Variants in KIF13A observed in about 807,000 individuals in gnomAD.
KIF13A encodes kinesin family member 13A, also known as kinesin-like protein KIF13A.
A neutral mutation model predicts 212.2 loss-of-function variants in KIF13A; 79 were observed. That is an observed-to-expected ratio of 0.37 (90% CI 0.31 to 0.45). The LOEUF (loss-of-function observed/expected upper bound fraction) is 0.45, where lower values mean the gene tolerates loss of function less well. KIF13A is among the 20% of genes least tolerant of loss of function. KIF13A has a pLI of 1.00. For missense variants in KIF13A, 1,901 were observed against 2,209.0 expected (o/e 0.86, Z 2.79); for synonymous variants, 789 against 808.6 (o/e 0.98, Z 0.41).
Position 17,773,413 on chromosome 6 carries a change from C to A in KIF13A, c.4324+65G>T. ...CTTATTATATGCCATTAATGAAAGA[C>A]ATTTTTTCATACTTTTTCTAAGTAA... On this transcript the variant is annotated intron_variant, in intron 36 of 38. Transcript: ENST00000259711. The surrounding 1 kb of genome is among the most constrained non-coding windows in gnomAD (Gnocchi z 4.2). 1.1e-6 allele frequency: 1 copy of A among 917,224 alleles called. No individual in the cohort carries two copies. Among genetic ancestry groups the A allele is most frequent in the Non-Finnish European group, 1.8e-6 (1 of 566,478 alleles). 56.8% of individuals were successfully genotyped at this position (917,224 alleles called of 1,614,324 possible).
intron 16 of KIF13A, among the ~76,000 whole-genome samples, chr6:17,824,784 A>C (rs1246502295): frequency 1.4e-5 from 2 of 147,648 alleles, no homozygotes; most frequent in Admixed American, 6.8e-5. Context: ...AAAAAAACAA[A>C]ACACCAAAAT....
At chr6:17,841,774 C>T (rs1246990569) in intron 9 of KIF13A, among the ~76,000 whole-genome samples, 2 of 152,116 alleles carry the variant, frequency 1.3e-5, no homozygotes, top group African/African-American at 4.8e-5. Context: ...GACTCAATGG[C>T]AAGTGAGAGA....
In KIF13A at chr6:17,897,257, G is replaced by T. The variant is rs945949445; in HGVS notation, c.159+911C>A. ...GGGAAAGTAAGCTTTGTCTTTTCTGGATTCCATGCCGTCACCCAACTTGTC... is the reference window on the plus strand; with the variant it reads ...GGGAAAGTAAGCTTTGTCTTTTCTGTATTCCATGCCGTCACCCAACTTGTC... On this transcript the variant is annotated intron_variant, in intron 3 of 38. Coordinates refer to ENST00000259711, the MANE Select transcript of KIF13A (RefSeq NM_022113.6). The surrounding 1 kb of genome is among the most constrained non-coding windows in gnomAD (Gnocchi z 4.8). 1.3e-5 allele frequency among the ~76,000 whole-genome samples: 2 copies of T among 152,124 alleles called. No individual in the cohort carries two copies. The highest frequency in any genetic ancestry group is 2.9e-5 in the Non-Finnish European group (2 of 68,026).
At chr6:17,861,853 T>C (rs990808808) in intron 4 of KIF13A, among the ~76,000 whole-genome samples, 2 of 152,182 alleles carry the variant, frequency 1.3e-5, no homozygotes, top group African/African-American at 4.8e-5. Context: ...CGGTCTTACC[T>C]TATTCTTGGT....
rs1411747926 is a variant in KIF13A at position 17,987,014 on chromosome 6, G to A, written c.146+40C>T. ...GGCTCAAACTTGCGGGACCCCGCGA[G>A]GCTGGATCCTCCCAGCCGCCCTCTC... On this transcript the variant is annotated intron_variant, in intron 2 of 38. Coordinates refer to ENST00000259711, the MANE Select transcript of KIF13A (RefSeq NM_022113.6). The surrounding 1 kb of genome is among the most constrained non-coding windows in gnomAD (Gnocchi z 7.7). 1 of 1,487,138 alleles carries A rather than the reference G, an allele frequency of 6.7e-7. No individual in the cohort carries two copies. Among genetic ancestry groups the A allele is most frequent in the East Asian group, 2.3e-5 (1 of 44,018 alleles). The allele number at this position is 1,487,138 out of a possible 1,614,324, so 92.1% of individuals were successfully genotyped here.
chr6:17,851,893 T>C (rs931467756), intron 7 of KIF13A, 62 bp downstream of exon 7: 22 of 819,326 alleles, frequency 2.7e-5, no homozygotes, highest in Non-Finnish European at 3.8e-5. Flanking sequence ...ATATACTCAG[T>C]ATCACTTACA....
intron 2 of KIF13A, among the ~76,000 whole-genome samples, chr6:17,981,520 G>GGAC (rs1295736184): frequency 2.1e-4 from 32 of 151,276 alleles, no homozygotes; most frequent in Non-Finnish European, 4.0e-4. Context: ...CGCCTCCCGG[G>GGAC]TTCAAGCATT....
intron 33 of KIF13A, among the ~76,000 whole-genome samples, chr6:17,778,076 T>G (rs1760163205): frequency 6.6e-6 from 1 of 152,162 alleles, no homozygotes; most frequent in Non-Finnish European, 1.5e-5. Flanking sequence ...AGGCAGAGGT[T>G]GCAGTGAGCT....
intron 9 of KIF13A, among the ~76,000 whole-genome samples, chr6:17,848,597 G>C (rs1006957913): frequency 8.6e-6 from 1 of 115,728 alleles, no homozygotes; most frequent in Admixed American, 1.2e-4. Flanking sequence ...ACAGAGTCTC[G>C]CTCTGTTGCC....
intron 18 of KIF13A, among the ~76,000 whole-genome samples, chr6:17,807,377 C>T (rs897198312): frequency 2.6e-5 from 4 of 151,964 alleles, no homozygotes; most frequent in Admixed American, 2.0e-4. Context: ...GGTCTATAAA[C>T]GGCCGCTCTG....
Position 17,816,392 on chromosome 6 carries a change from A to G in KIF13A, c.2000+628T>C. On this transcript the variant is annotated intron_variant, in intron 17 of 38. Transcript: ENST00000259711. This position sits in a 1 kb window ranked among gnomAD's most constrained non-coding sequence, Gnocchi z 4.3. The stretch of plus-strand genomic sequence containing the variant: ...CTAATTTTTTATTTTTTGTAGAGAC[A>G]AGGTCTCGTTATGTTGCTCAGGCTG... Among the ~76,000 whole-genome samples the G allele has an allele frequency of 7.1e-6, 1 of 139,920 alleles. No homozygotes were observed. Among genetic ancestry groups the G allele is most frequent in the African/African-American group, 3.1e-5 (1 of 32,024 alleles). 91.8% of individuals were successfully genotyped at this position (139,920 alleles called of 152,430 possible).
chr6:17,939,961 A>G (rs760457300), intron 2 of KIF13A, among the ~76,000 whole-genome samples: 61 of 149,636 alleles, frequency 4.1e-4, no homozygotes, highest in Non-Finnish European at 7.8e-4. Context: ...AATGGCGTGA[A>G]CCTGGGAGGC....
At chr6:17,909,452 C>T (rs942003359) in intron 2 of KIF13A, among the ~76,000 whole-genome samples, 7 of 142,038 alleles carry the variant, frequency 4.9e-5, no homozygotes, top group Non-Finnish European at 7.7e-5. Context: ...AGGAGAATCG[C>T]TGAACCCAGG....
At chr6:17,793,488 A>G (rs953725838) in intron 25 of KIF13A, among the ~76,000 whole-genome samples, 15 of 152,330 alleles carry the variant, frequency 9.8e-5, no homozygotes, top group African/African-American at 3.6e-4. Context: ...TTTTATTTTT[A>G]AAATGAGAAT....
At chr6:17,975,356 C>T (rs1052859317) in intron 2 of KIF13A, among the ~76,000 whole-genome samples, 10 of 152,114 alleles carry the variant, frequency 6.6e-5, no homozygotes, top group African/African-American at 2.4e-4. Flanking sequence ...AAGAATGAAG[C>T]TGCGGACCCT....
At chr6:17,959,148 T>G (rs1177031046) in intron 2 of KIF13A, among the ~76,000 whole-genome samples, 1 of 152,122 alleles carries the variant, frequency 6.6e-6, no homozygotes, top group Non-Finnish European at 1.5e-5. Flanking sequence ...GTAAGTCATA[T>G]ATAGGTCACT....
chr6:17,985,650 G>GGGGGGGGGT (rs1781494883), intron 2 of KIF13A, among the ~76,000 whole-genome samples: 1 of 85,582 alleles, frequency 1.2e-5, no homozygotes, highest in Non-Finnish European at 2.1e-5. Flanking sequence ...TGGGGGGAGG[G>GGGGGGGGGT]GACATTCGTT....
At chr6:17,863,152 G>T (rs994570992) in intron 4 of KIF13A, among the ~76,000 whole-genome samples, 1 of 152,000 alleles carries the variant, frequency 6.6e-6, no homozygotes, top group Admixed American at 6.6e-5. Flanking sequence ...TTTCTGAAAG[G>T]AACCAATTAT....
rs373779919 is a variant in KIF13A at position 17,855,986 on chromosome 6, T to G, written c.313+44A>C. 2.9e-5 allele frequency: 39 copies of G among 1,351,132 alleles called. No homozygotes were observed. In the Admixed American group the frequency reaches 6.8e-4, roughly 24 times the overall value. 83.7% of individuals were successfully genotyped at this position (1,351,132 alleles called of 1,614,324 possible). A position where few individuals can be genotyped will look rare whatever the true frequency, so the allele number is the denominator to read the frequency against. On this transcript the variant is annotated intron_variant, in intron 5 of 38. Transcript: ENST00000259711. The surrounding 1 kb of genome is among the most constrained non-coding windows in gnomAD (Gnocchi z 4.1). ...CCAGCCTCACCAAGTCCTGGGATTA[T>G]AGGCATGATCCCCCACATCTGGTCT...
Sources: gnomAD v4.1 joint callset for allele counts (sites outside exome capture counted in the v4.1 genomes callset) on GRCh38, gnomAD v4.1.1 for gene constraint, Gnocchi (gnomAD v3.1) non-coding constraint, MANE v1.5 for transcripts, NCBI Gene and HGNC (gene_info 2026-07-23, HGNC 2026-07-21) for gene names.